The following SCRG1 variants were observed in gnomAD, a reference collection of about 807,000 sequenced individuals.
SCRG1 encodes stimulator of chondrogenesis 1, also known as scrapie-responsive protein 1.
A neutral mutation model predicts 7.7 loss-of-function variants in SCRG1; 3 were observed. The observed-to-expected ratio is 0.39, with a 90% CI of 0.18 to 1.01. The LOEUF (loss-of-function observed/expected upper bound fraction) is 1.01. SCRG1 is among the 50% of genes least tolerant of loss of function. The pLI, the probability that SCRG1 is intolerant of heterozygous loss-of-function variation, is 0.36. For synonymous variants in SCRG1, 46 were observed against 41.2 expected, an observed-to-expected ratio of 1.12 and a Z score of -0.44; for missense variants, 110 against 117.2, an observed-to-expected ratio of 0.94 and a Z score of 0.28.
At chr4:173,508,242 A>G in the SCRG1 span, among the ~76,000 whole-genome samples, 3 of 152,368 alleles carry the variant, frequency 2.0e-5, no homozygotes, top group African/African-American at 7.2e-5. The surrounding 1 kb of genome is among the most constrained non-coding windows in gnomAD (Gnocchi z 4.4). Flanking sequence ...AGTCAGGTGG[A>G]AAACAAGACT....
the SCRG1 span, among the ~76,000 whole-genome samples, chr4:173,435,084 T>A: frequency 5.3e-5 from 8 of 151,818 alleles, no homozygotes; most frequent in East Asian, 1.6e-3. Context: ...TTATATAGAA[T>A]AAAAATCTTT....
upstream of SCRG1, among the ~76,000 whole-genome samples, chr4:173,409,065 A>T (rs1050106899): frequency 4.6e-5 from 7 of 152,076 alleles, no homozygotes; most frequent in Admixed American, 2.6e-4. Context: ...CTCAGCAAAT[A>T]ATGGGATTTT....
the SCRG1 span, among the ~76,000 whole-genome samples, chr4:173,432,594 A>C: frequency 3.3e-5 from 5 of 152,078 alleles, no homozygotes; most frequent in Non-Finnish European, 7.4e-5. Flanking sequence ...ATGACCTTCC[A>C]GCCCAGCTCC....
At chr4:173,431,531 C>T in the SCRG1 span, among the ~76,000 whole-genome samples, 1 of 152,204 alleles carries the variant, frequency 6.6e-6, no homozygotes, top group Admixed American at 6.5e-5. Context: ...TGATTGGAAG[C>T]TTGCTGGGGC....
the SCRG1 span, among the ~76,000 whole-genome samples, chr4:173,411,702 C>T: frequency 6.6e-6 from 1 of 152,126 alleles, no homozygotes; most frequent in South Asian, 2.1e-4. Context: ...GCAACATTTT[C>T]ATCAAATCAT....
the SCRG1 span, among the ~76,000 whole-genome samples, chr4:173,429,209 T>C: frequency 2.6e-5 from 4 of 152,180 alleles, no homozygotes; most frequent in Non-Finnish European, 4.4e-5. Context: ...GTTCCATTCT[T>C]TTTATTTTTG....
chr4:173,428,370 G>T, the SCRG1 span, among the ~76,000 whole-genome samples: 14 of 152,166 alleles, frequency 9.2e-5, no homozygotes, highest in African/African-American at 2.9e-4. Context: ...AGCCTCTGTG[G>T]GGTTTAAAAT....
the SCRG1 span, among the ~76,000 whole-genome samples, chr4:173,496,455 C>T: frequency 6.6e-6 from 1 of 152,110 alleles, no homozygotes; most frequent in East Asian, 1.9e-4. Context: ...TATTGGTATG[C>T]AACAGAGACT....
At chr4:173,474,239 C>T in the SCRG1 span, among the ~76,000 whole-genome samples, 8 of 152,142 alleles carry the variant, frequency 5.3e-5, no homozygotes, top group Non-Finnish European at 1.2e-4. Context: ...ACTTCACATT[C>T]GTGCAATACA....
chr4:173,467,547 T>G, the SCRG1 span, among the ~76,000 whole-genome samples: 1 of 152,172 alleles, frequency 6.6e-6, no homozygotes, highest in South Asian at 2.1e-4. Context: ...TTGGATTGTT[T>G]TGGGAGAACT....
At chr4:173,474,012 T>C in the SCRG1 span, among the ~76,000 whole-genome samples, 1 of 152,056 alleles carries the variant, frequency 6.6e-6, no homozygotes, top group African/African-American at 2.4e-5. Flanking sequence ...AAACCCCATC[T>C]CTACTAAAAA....
the SCRG1 span, among the ~76,000 whole-genome samples, chr4:173,505,111 CT>C: frequency 6.6e-6 from 1 of 152,152 alleles, no homozygotes; most frequent in South Asian, 2.1e-4. The surrounding 1 kb of genome is among the most constrained non-coding windows in gnomAD (Gnocchi z 4.4). Context: ...TAAATGACCA[CT>C]CATTTAGCCA....
chr4:173,409,415 A>T (rs1739990880), upstream of SCRG1, among the ~76,000 whole-genome samples: 1 of 151,714 alleles, frequency 6.6e-6, no homozygotes, highest in Non-Finnish European at 1.5e-5. Context: ...TTTGATTTTC[A>T]TCTTTATCTC....
chr4:173,494,566 T>C, the SCRG1 span, among the ~76,000 whole-genome samples: 1 of 152,232 alleles, frequency 6.6e-6, no homozygotes, highest in Non-Finnish European at 1.5e-5. Context: ...TAGCGCCACC[T>C]GGCTTTCTAA....
At chr4:173,397,672 T>G (rs1331250546) in intron 1 of SCRG1, among the ~76,000 whole-genome samples, 1 of 152,180 alleles carries the variant, frequency 6.6e-6, no homozygotes, top group Admixed American at 6.5e-5. Flanking sequence ...CAAGCAAGCT[T>G]TTGAATGGCT....
At chr4:173,476,363 A>ATATATATATATATATATATAT in the SCRG1 span, among the ~76,000 whole-genome samples, 69 of 98,468 alleles carry the variant, frequency 7.0e-4, no homozygotes, top group Middle Eastern at 5.2e-3. Flanking sequence ...GGAAAAAAAA[A>ATATATATATATATATATATAT]ATATATATAT....
the SCRG1 span, among the ~76,000 whole-genome samples, chr4:173,456,853 C>T: frequency 0.55 from 83,088 of 152,024 alleles, 24,110 homozygotes; most frequent in Non-Finnish European, 0.66. Flanking sequence ...AACTTCCCTT[C>T]TTTCTGCTTC....
chr4:173,491,199 TTCTCTC>T, the SCRG1 span, among the ~76,000 whole-genome samples: 170 of 145,944 alleles, frequency 1.2e-3, no homozygotes, highest in African/African-American at 4.0e-3. Context: ...TAATACAGAA[TTCTCTC>T]TCTCTCTCTC....
the SCRG1 span, among the ~76,000 whole-genome samples, chr4:173,485,023 A>AATATAAT: frequency 2.2e-3 from 25 of 11,344 alleles, no homozygotes; most frequent in South Asian, 3.9e-3. Context: ...TATAATATAT[A>AATATAAT]ATATATTATA....
Sources: allele counts gnomAD v4.1 joint callset (sites outside exome capture counted in the v4.1 genomes callset), GRCh38; gene constraint gnomAD v4.1.1; non-coding constraint Gnocchi (gnomAD v3.1); transcripts MANE v1.5; gene names NCBI Gene and HGNC (gene_info 2026-07-23, HGNC 2026-07-21).